The following CTNND2 variants were observed in gnomAD, a reference collection of about 807,000 sequenced individuals.
CTNND2 encodes the protein catenin delta 2.
A neutral mutation model predicts 144.4 loss-of-function variants in CTNND2; 22 were observed. The observed-to-expected ratio is 0.15, with a 90% CI of 0.11 to 0.22. The LOEUF (loss-of-function observed/expected upper bound fraction) is 0.22, where lower values mean the gene tolerates loss of function less well. CTNND2 is among the 10% of genes least tolerant of loss of function. The probability of loss-of-function intolerance (pLI) is 1.00; values close to 1 mark genes in which losing one functional copy is unlikely to be tolerated. For missense variants in CTNND2, 1,353 were observed against 1,618.8 expected, an observed-to-expected ratio of 0.84 and a Z score of 2.82; for synonymous variants, 751 against 695.6, an observed-to-expected ratio of 1.08 and a Z score of -1.25.
intron 3 of CTNND2, among the ~76,000 whole-genome samples, chr5:11,437,934 G>A (rs111673278): frequency 0.011 from 1,662 of 152,294 alleles, 26 homozygotes; most frequent in African/African-American, 0.037. Context: ...TCTGAAGTAC[G>A]AGGTCTGGCG....
At chr5:11,713,438 G>C (rs1786148913) in intron 2 of CTNND2, among the ~76,000 whole-genome samples, 1 of 151,748 alleles carries the variant, frequency 6.6e-6, no homozygotes, top group Non-Finnish European at 1.5e-5. Context: ...AATTAGCTGG[G>C]CATGGTGGCA....
chr5:11,651,444 G>A (rs1277573576), intron 2 of CTNND2, among the ~76,000 whole-genome samples: 1 of 152,248 alleles, frequency 6.6e-6, no homozygotes, highest in East Asian at 1.9e-4. Context: ...GTGTGGAGGG[G>A]AAATGTGAGG....
At chr5:11,894,467 A>T (rs1737239412) in intron 1 of CTNND2, among the ~76,000 whole-genome samples, 1 of 152,206 alleles carries the variant, frequency 6.6e-6, no homozygotes, top group Non-Finnish European at 1.5e-5. Flanking sequence ...CTTTACAACC[A>T]CTATGGAAGT....
chr5:11,900,013 TTGTG>T lies in CTNND2; in HGVS notation c.37+3800_37+3803del, dbSNP rs573178502. Among the ~76,000 whole-genome samples the T allele has an allele frequency of 2.9e-3, 441 of 151,992 alleles. 3 individuals carry two copies. Among genetic ancestry groups the T allele is most frequent in the Middle Eastern group, 0.014 (4 of 294 alleles). ...AGTTGGGCTCTGACATATAACGTGT[TTGTG>T]TGTGTGTGTATGTGTAACTTTATTA... is the stretch of plus-strand genomic sequence containing the variant. On this transcript the variant is annotated intron_variant, in intron 1 of 21. Coordinates refer to ENST00000304623, the MANE Select transcript of CTNND2 (RefSeq NM_001332.4).
intron 9 of CTNND2, among the ~76,000 whole-genome samples, chr5:11,330,848 G>GTA (rs1561229632): frequency 6.8e-6 from 1 of 147,758 alleles, no homozygotes; most frequent in Non-Finnish European, 1.5e-5. Context: ...GCCTGTGTGT[G>GTA]TCTGTGTGTG....
chr5:11,549,335 T>C (rs1431228230), intron 3 of CTNND2, among the ~76,000 whole-genome samples: 1 of 152,174 alleles, frequency 6.6e-6, no homozygotes, highest in African/African-American at 2.4e-5. Flanking sequence ...AATTCATGTG[T>C]TGAATGAACA....
At chr5:11,600,503 C>T (rs1450409070) in intron 2 of CTNND2, among the ~76,000 whole-genome samples, 3 of 151,706 alleles carry the variant, frequency 2.0e-5, no homozygotes, top group Non-Finnish European at 4.4e-5. Flanking sequence ...GTCAGGAGTT[C>T]GAGACCAGTT....
At chr5:10,984,604 T>A (rs1255367356) in intron 20 of CTNND2, among the ~76,000 whole-genome samples, 1 of 151,882 alleles carries the variant, frequency 6.6e-6, no homozygotes, top group Non-Finnish European at 1.5e-5. Context: ...AACGAGACCA[T>A]AGCTGAGACT....
At chr5:11,250,815 C>T (rs1743554927) in intron 9 of CTNND2, among the ~76,000 whole-genome samples, 1 of 152,046 alleles carries the variant, frequency 6.6e-6, no homozygotes, top group African/African-American at 2.4e-5. Context: ...CCGCACCCAG[C>T]CCATAGACCT....
chr5:11,385,895 T>C (rs1295974695), intron 6 of CTNND2: 1 of 152,042 alleles, frequency 6.6e-6, no homozygotes, highest in Non-Finnish European at 1.5e-5. Context: ...ATTAGAGCAA[T>C]TGGAAATGAG....
At chr5:11,417,175 T>A (rs555075209) in intron 3 of CTNND2, among the ~76,000 whole-genome samples, 1 of 152,268 alleles carries the variant, frequency 6.6e-6, no homozygotes, top group Admixed American at 6.5e-5. Flanking sequence ...TTAGAGATAA[T>A]AAAACCAAGG....
chr5:11,005,138 A>G (rs1444970539), intron 18 of CTNND2, among the ~76,000 whole-genome samples: 1 of 152,224 alleles, frequency 6.6e-6, no homozygotes, highest in East Asian at 1.9e-4. Context: ...AATAACCAGG[A>G]TTGGAGGCAG....
chr5:11,303,519 T>C (rs1422616305), intron 9 of CTNND2, among the ~76,000 whole-genome samples: 3 of 152,172 alleles, frequency 2.0e-5, no homozygotes, highest in Non-Finnish European at 4.4e-5. Flanking sequence ...AGTGATGTAA[T>C]GGATGCAAAC....
intron 5 of CTNND2, among the ~76,000 whole-genome samples, chr5:11,398,305 T>C (rs1248732417): frequency 6.6e-6 from 1 of 152,224 alleles, no homozygotes; most frequent in Non-Finnish European, 1.5e-5. Context: ...TATTTTTTTC[T>C]TTTTAAGAAT....
At chr5:11,574,510 G>C (rs1777823661) in intron 2 of CTNND2, among the ~76,000 whole-genome samples, 1 of 152,002 alleles carries the variant, frequency 6.6e-6, no homozygotes, top group Non-Finnish European at 1.5e-5. Flanking sequence ...AAAAATAATA[G>C]CACAAATTTC....
At chr5:10,998,711 C>T (rs1292284430) in intron 18 of CTNND2, among the ~76,000 whole-genome samples, 1 of 152,206 alleles carries the variant, frequency 6.6e-6, no homozygotes, top group East Asian at 1.9e-4. Flanking sequence ...AACATATTGT[C>T]TGTACTGAAC....
chr5:11,120,559 G>T (rs1166865441), intron 12 of CTNND2, among the ~76,000 whole-genome samples: 4 of 62,002 alleles, frequency 6.5e-5, no homozygotes, highest in Admixed American at 1.5e-4. Flanking sequence ...ACTGTCCGCA[G>T]GGGTGATGAG....
At chr5:11,127,631 T>G (rs1754812277) in intron 12 of CTNND2, among the ~76,000 whole-genome samples, 1 of 151,962 alleles carries the variant, frequency 6.6e-6, no homozygotes, top group Non-Finnish European at 1.5e-5. Context: ...AACTCCATTT[T>G]ATTTTCAATT....
chr5:11,372,958 TG>T (rs1327471560), intron 7 of CTNND2, among the ~76,000 whole-genome samples: 2 of 152,218 alleles, frequency 1.3e-5, no homozygotes, highest in African/African-American at 4.8e-5. Flanking sequence ...TGTGATCCAC[TG>T]TGCCCAGCAC....
Sources: gnomAD v4.1 joint callset for allele counts (sites outside exome capture counted in the v4.1 genomes callset) on GRCh38, gnomAD v4.1.1 for gene constraint, MANE v1.5 for transcripts, NCBI Gene and HGNC (gene_info 2026-07-23, HGNC 2026-07-21) for gene names.